The following COBL variants were observed in gnomAD, a reference collection of about 807,000 sequenced individuals.
The protein encoded by COBL is cordon-bleu WH2 repeat protein.
Under a neutral mutation model 98.8 loss-of-function variants are expected in COBL, and 51 were observed. The ratio of observed to expected loss-of-function variants is 0.52; its 90% CI spans 0.41 to 0.65. The LOEUF is 0.65. Ranked by LOEUF, COBL falls within the 30% of genes least tolerant of loss-of-function variation. COBL has a pLI of 0.00. For synonymous variants in COBL, 634 were observed against 651.7 expected (o/e 0.97, Z 0.41); for missense variants, 1,617 against 1,617.5 (o/e 1.00, Z 0.01).
intron 1 of COBL, among the ~76,000 whole-genome samples, chr7:51,293,852 A>G (rs754625357): frequency 4.6e-5 from 7 of 151,998 alleles, no homozygotes; most frequent in Non-Finnish European, 1.0e-4. Flanking sequence ...AGGTCATTCT[A>G]TGCTTGGTAA....
intron 1 of COBL, among the ~76,000 whole-genome samples, chr7:51,234,769 T>C (rs1795086610): frequency 6.6e-6 from 1 of 150,862 alleles, no homozygotes; most frequent in Non-Finnish European, 1.5e-5. Context: ...GAACCCTGAC[T>C]GAAGGGCCAG....
chr7:51,045,310 T>A (rs1789587680), intron 7 of COBL, among the ~76,000 whole-genome samples: 1 of 152,228 alleles, frequency 6.6e-6, no homozygotes, highest in Non-Finnish European at 1.5e-5. Context: ...GGGTCCCTGT[T>A]GCTAAGTGGG....
chr7:51,221,642 G>A (rs1041790036), intron 1 of COBL, among the ~76,000 whole-genome samples: 1 of 152,124 alleles, frequency 6.6e-6, no homozygotes, highest in Non-Finnish European at 1.5e-5. Flanking sequence ...TATAGCAATG[G>A]ATCATATAGC....
At chr7:51,070,383 A>C (rs1792401936) in intron 7 of COBL, among the ~76,000 whole-genome samples, 1 of 150,304 alleles carries the variant, frequency 6.7e-6, no homozygotes, top group Non-Finnish European at 1.5e-5. Context: ...TGAAGGATGA[A>C]ACAGTTAAAA....
chr7:51,019,377 C>T (rs1213022412), intron 12 of COBL, among the ~76,000 whole-genome samples: 1 of 152,016 alleles, frequency 6.6e-6, no homozygotes, highest in African/African-American at 2.4e-5. Context: ...GGCAAGCATC[C>T]AACAAAAACC....
chr7:51,264,529 G>A (rs1162081508), intron 1 of COBL, among the ~76,000 whole-genome samples: 1 of 151,704 alleles, frequency 6.6e-6, no homozygotes, highest in Non-Finnish European at 1.5e-5. Flanking sequence ...AAATTAGCCG[G>A]TCTTGGTGGT....
intron 12 of COBL, among the ~76,000 whole-genome samples, chr7:51,021,834 T>A (rs1458680139): frequency 1.3e-5 from 2 of 152,206 alleles, no homozygotes; most frequent in African/African-American, 4.8e-5. Flanking sequence ...ATCGCAAATG[T>A]CTCCTGTGAC....
intron 6 of COBL, among the ~76,000 whole-genome samples, chr7:51,087,778 C>CTTTTTTTTTT (rs34922133): frequency 8.5e-6 from 1 of 117,328 alleles, no homozygotes. Flanking sequence ...CCGGCCCCGC[C>CTTTTTTTTTT]TTTTTTTTTT....
intron 6 of COBL, among the ~76,000 whole-genome samples, chr7:51,125,745 C>T (rs1378430907): frequency 6.6e-6 from 1 of 152,106 alleles, no homozygotes; most frequent in Non-Finnish European, 1.5e-5. Flanking sequence ...GCTCTCTTGC[C>T]CCAATATGGC....
At chr7:51,161,028 TA>T (rs1183704436) in intron 5 of COBL, among the ~76,000 whole-genome samples, 1 of 152,160 alleles carries the variant, frequency 6.6e-6, no homozygotes, top group Non-Finnish European at 1.5e-5. Context: ...AGCTAAATTT[TA>T]AAAATATCTC....
At chr7:51,302,425 T>C (rs1420640422) in intron 1 of COBL, among the ~76,000 whole-genome samples, 1 of 151,888 alleles carries the variant, frequency 6.6e-6, no homozygotes, top group South Asian at 2.1e-4. Flanking sequence ...CTACTAAAAA[T>C]ACAAAATTAG....
In COBL at chr7:51,103,562, CTAT is replaced by C. The variant is rs531245363; in HGVS notation, c.958-18261_958-18259del. ...TGATTCGAAGTTTTTAAAATTCGTA[CTAT>C]TTTAAAGTGGCTTTATGATTTAGTT... is the stretch of plus-strand genomic sequence containing the variant. On this transcript the variant is annotated intron_variant, in intron 6 of 12. Coordinates refer to ENST00000265136, the MANE Select transcript of COBL (RefSeq NM_015198.5). 1.5e-4 allele frequency among the ~76,000 whole-genome samples: 23 copies of C among 152,220 alleles called. No homozygotes were observed. The East Asian group carries it at 3.7e-3, about 24-fold the overall frequency.
chr7:51,249,297 C>T (rs1015475935), intron 1 of COBL, among the ~76,000 whole-genome samples: 2 of 152,168 alleles, frequency 1.3e-5, no homozygotes, highest in African/African-American at 2.4e-5. Flanking sequence ...GTGAACACAA[C>T]AAACAGACAC....
chr7:51,230,242 C>T (rs1794618953), intron 1 of COBL, among the ~76,000 whole-genome samples: 1 of 152,200 alleles, frequency 6.6e-6, no homozygotes, highest in African/African-American at 2.4e-5. Flanking sequence ...GAGACTGTAC[C>T]AGTCTGCTGG....
At chr7:51,119,079 A>T (rs1797528646) in intron 6 of COBL, among the ~76,000 whole-genome samples, 1 of 152,230 alleles carries the variant, frequency 6.6e-6, no homozygotes, top group Non-Finnish European at 1.5e-5. Context: ...TTTACAAATG[A>T]CACAGTTTAA....
intron 3 of COBL, 131 bp downstream of exon 3, chr7:51,193,248 G>A: frequency 1.4e-6 from 1 of 727,168 alleles, no homozygotes. Flanking sequence ...GCCTAGCTTT[G>A]CCTGGCATGA....
At chr7:51,257,925 G>T (rs1323231796) in intron 1 of COBL, among the ~76,000 whole-genome samples, 1 of 152,142 alleles carries the variant, frequency 6.6e-6, no homozygotes, top group Non-Finnish European at 1.5e-5. Flanking sequence ...ATGAGGAAAT[G>T]TTTTGATTAA....
At chr7:51,096,031 G>A (rs1318057240) in intron 6 of COBL, among the ~76,000 whole-genome samples, 1 of 152,058 alleles carries the variant, frequency 6.6e-6, no homozygotes, top group Non-Finnish European at 1.5e-5. Context: ...ATAGACCAAT[G>A]GGATCTAACA....
chr7:51,184,143 A>G lies in COBL; in HGVS notation c.742T>C (p.Phe248Leu). 1.3e-6 allele frequency: 2 copies of G among 1,568,052 alleles called. No individual in the cohort carries two copies. Among genetic ancestry groups the G allele is most frequent in the Non-Finnish European group, 1.7e-6 (2 of 1,154,076 alleles). The change falls in exon 5 of 13, where the codon TTT (phenylalanine) becomes CTT (leucine). Residue 248 changes from phenylalanine to leucine, a missense_variant. This residue lies in a region of COBL where 75 missense variants were observed against 120.5 expected (regional missense o/e 0.62). Transcript: ENST00000265136. ...NDETDKEKKK[F>L]LGFFKVNKRS... ...TTATTAACTTTGAAAAATCCCAGAA[A>G]TTTTTTCTTCTCTTTATCTGTCTCA...
Sources: gnomAD v4.1 joint callset for allele counts (sites outside exome capture counted in the v4.1 genomes callset) on GRCh38, gnomAD v4.1.1 for gene constraint, gnomAD v4.1.1 regional missense constraint, MANE v1.5 for transcripts, NCBI Gene and HGNC (gene_info 2026-07-23, HGNC 2026-07-21) for gene names.